EEF2K: variants seen among roughly 807,000 people sequenced by gnomAD.
The protein encoded by EEF2K is alternative protein EEF2K.
EEF2K carries 70 observed loss-of-function variants against 93.8 expected under a neutral mutation model. The ratio of observed to expected loss-of-function variants is 0.75; its 90% confidence interval spans 0.62 to 0.91. The LOEUF is 0.91. Ranked by LOEUF, EEF2K falls within the 40% of genes least tolerant of loss-of-function variation. The probability of loss-of-function intolerance (pLI) is 0.00; values close to 1 mark genes in which losing one functional copy is unlikely to be tolerated. For synonymous variants in EEF2K, 376 were observed against 380.8 expected (o/e 0.99, Z 0.15); for missense variants, 935 against 972.9 (o/e 0.96, Z 0.52).
chr16:22,234,586 A>G (rs1361566742), intron 2 of EEF2K, among the ~76,000 whole-genome samples: 2 of 152,076 alleles, frequency 1.3e-5, no homozygotes, highest in Non-Finnish European at 2.9e-5. Flanking sequence ...TATAATTCAC[A>G]TGCCATACAA....
At chr16:22,234,526 C>T (rs150207106) in intron 2 of EEF2K, among the ~76,000 whole-genome samples, 2,351 of 150,994 alleles carry the variant, frequency 0.016, 52 homozygotes, top group African/African-American at 0.054. Context: ...CACTGCACTC[C>T]AGCCTGGGCA....
chr16:22,218,956 GAAAAA>G (rs1239562328), intron 1 of EEF2K, among the ~76,000 whole-genome samples: 2 of 149,870 alleles, frequency 1.3e-5, no homozygotes, highest in East Asian at 4.0e-4. Context: ...AAAAAAAAGA[GAAAAA>G]AGAAAAGAAA....
chr16:22,220,961 C>G (rs1006319559), intron 1 of EEF2K, among the ~76,000 whole-genome samples: 63 of 152,178 alleles, frequency 4.1e-4, no homozygotes, highest in Admixed American at 4.1e-3. Context: ...GAGCAGCTGA[C>G]AGTGAGGAGA....
chr16:22,272,272 A>G (rs1278081563), intron 15 of EEF2K, among the ~76,000 whole-genome samples: 1 of 152,218 alleles, frequency 6.6e-6, no homozygotes, highest in Non-Finnish European at 1.5e-5. Flanking sequence ...AAAAATGGAA[A>G]ACAACCCAAA....
At chr16:22,250,789 AG>A in intron 5 of EEF2K, 98 bp downstream of exon 5, 1 of 1,505,168 alleles carries the variant, frequency 6.6e-7, no homozygotes, top group Non-Finnish European at 9.1e-7. Flanking sequence ...GAATGGAGCC[AG>A]GGGCCTCTGC....
At chr16:22,261,795 A>G (rs1338670776) in intron 11 of EEF2K, among the ~76,000 whole-genome samples, 1 of 151,980 alleles carries the variant, frequency 6.6e-6, no homozygotes, top group Non-Finnish European at 1.5e-5. Flanking sequence ...ACTTGAGGCC[A>G]GGAGTTTAAG....
At chr16:22,238,800 A>T (rs1312781885) in intron 2 of EEF2K, among the ~76,000 whole-genome samples, 1 of 152,058 alleles carries the variant, frequency 6.6e-6, no homozygotes, top group Non-Finnish European at 1.5e-5. Context: ...GTGGCTCTCA[A>T]AGATGGCAGT....
chr16:22,215,183 C>G (rs749542410), intron 1 of EEF2K, among the ~76,000 whole-genome samples: 5 of 152,204 alleles, frequency 3.3e-5, no homozygotes, highest in Non-Finnish European at 7.3e-5. Flanking sequence ...AGTTTTTCAT[C>G]TGCCACGCAG....
intron 2 of EEF2K, among the ~76,000 whole-genome samples, chr16:22,233,790 G>A (rs1300234231): frequency 1.3e-5 from 2 of 152,130 alleles, no homozygotes; most frequent in Non-Finnish European, 2.9e-5. Context: ...TTTGAGATAG[G>A]GTTGCCCAGG....
intron 2 of EEF2K, among the ~76,000 whole-genome samples, chr16:22,228,797 G>T (rs2047088611): frequency 6.6e-6 from 1 of 152,212 alleles, no homozygotes; most frequent in Non-Finnish European, 1.5e-5. Flanking sequence ...AGGAATTACA[G>T]AAATACGCGG....
chr16:22,257,356 C>T lies in EEF2K; in HGVS notation c.872C>T (p.Thr291Met), dbSNP rs147978363. ...ACTGACCCACAGATCCACACGGAGA[C>T]GGGCACTGACTTTGGAGACGGCAAC... ...LYTDPQIHTETGTDFGDGNLG... is the reference protein window; with the variant it reads ...LYTDPQIHTEMGTDFGDGNLG... The change falls in exon 8 of 18, where the codon ACG (threonine) becomes ATG (methionine). Residue 291 changes from threonine to methionine, a missense_variant. Transcript: ENST00000263026. 656 of 1,613,816 alleles carry T rather than the reference C, an allele frequency of 4.1e-4. 4 individuals carry two copies. Among genetic ancestry groups the T allele is most frequent in the East Asian group, 2.0e-3 (88 of 44,868 alleles).
chr16:22,254,793 A>T (rs2047383746), intron 6 of EEF2K, among the ~76,000 whole-genome samples: 1 of 152,174 alleles, frequency 6.6e-6, no homozygotes, highest in Non-Finnish European at 1.5e-5. Context: ...GTTGCCAGGC[A>T]CAGTGGCTCA....
At chr16:22,243,825 A>G (rs1246442899) in intron 2 of EEF2K, among the ~76,000 whole-genome samples, 1 of 144,796 alleles carries the variant, frequency 6.9e-6, no homozygotes, top group Non-Finnish European at 1.5e-5. Flanking sequence ...CCCAAGGCTG[A>G]GGTGGGAGGA....
chr16:22,269,192 G>A (rs1006904910), intron 15 of EEF2K, among the ~76,000 whole-genome samples: 3 of 152,088 alleles, frequency 2.0e-5, no homozygotes, highest in African/African-American at 4.8e-5. Flanking sequence ...GTAGAGCCAT[G>A]CCTTCCTCTG....
intron 1 of EEF2K, among the ~76,000 whole-genome samples, chr16:22,215,405 AT>A (rs2046949188): frequency 6.6e-6 from 1 of 151,108 alleles, no homozygotes; most frequent in Non-Finnish European, 1.5e-5. Flanking sequence ...ATGGAGATTG[AT>A]TCTTGGACTT....
chr16:22,223,955 C>G (rs2047038737), intron 1 of EEF2K, among the ~76,000 whole-genome samples: 1 of 152,088 alleles, frequency 6.6e-6, no homozygotes, highest in Admixed American at 6.6e-5. Context: ...ATCTGTAATC[C>G]CAGCACTTTG....
chr16:22,217,635 T>C (rs571305395), intron 1 of EEF2K, among the ~76,000 whole-genome samples: 5 of 152,186 alleles, frequency 3.3e-5, no homozygotes, highest in Non-Finnish European at 7.3e-5. Context: ...GTATTTTTAG[T>C]AGAGACGGGG....
intron 2 of EEF2K, among the ~76,000 whole-genome samples, chr16:22,226,517 C>CTTTTTTTTT (rs553013823): frequency 5.6e-5 from 6 of 106,872 alleles, no homozygotes; most frequent in East Asian, 3.3e-4. Context: ...CCTTCTTCTT[C>CTTTTTTTTT]TTTTTTTTTT....
Position 22,280,279 on chromosome 16 carries a change from C to T in EEF2K, c.1971C>T (p.Asp657=), listed in dbSNP as rs773352234. The part of the protein sequence containing the change: ...MTDCDEGGEY[D]GMQDEPRYMM... ...ACTGTGATGAGGGCGGTGAGTACGA[C>T]GGAATGCAGGACGAGCCCCGGTACA... The change falls in exon 17 of 18, where the codon GAC becomes GAT. Residue 657 remains aspartate (D), a synonymous_variant. Coordinates refer to ENST00000263026, the MANE Select transcript of EEF2K (RefSeq NM_013302.5). 3.1e-5 allele frequency: 50 copies of T among 1,608,828 alleles called. 1 individual carries two copies. The South Asian group carries it at 3.4e-4, about 11-fold the overall frequency.
Sources: allele counts gnomAD v4.1 joint callset (sites outside exome capture counted in the v4.1 genomes callset), GRCh38; gene constraint gnomAD v4.1.1; transcripts MANE v1.5; gene names NCBI Gene and HGNC (gene_info 2026-07-23, HGNC 2026-07-21).